Variants in CSMD1 observed in about 807,000 individuals in gnomAD.
The protein encoded by CSMD1 is CUB and Sushi multiple domains 1.
CSMD1 carries 213 observed loss-of-function variants against 417.5 expected under a neutral mutation model. The observed-to-expected ratio is 0.51, with a 90% CI of 0.46 to 0.57. The LOEUF is 0.57. CSMD1 is among the 20% of genes least tolerant of loss of function. CSMD1 has a pLI of 0.00. For synonymous variants in CSMD1, 2,862 were observed against 1,736.8 expected (o/e 1.65, Z -16.11); for missense variants, 6,923 against 4,529.7 (o/e 1.53, Z -15.17).
At chr8:4,892,567 T>C (rs541592204) in intron 1 of CSMD1, among the ~76,000 whole-genome samples, 2 of 152,272 alleles carry the variant, frequency 1.3e-5, no homozygotes, top group Admixed American at 6.5e-5. Context: ...TGCCTAATTA[T>C]ATTTAAAAAA....
chr8:4,018,132 G>A (rs954085836), intron 4 of CSMD1, among the ~76,000 whole-genome samples: 2 of 152,080 alleles, frequency 1.3e-5, no homozygotes, highest in African/African-American at 2.4e-5. Context: ...AGTGTTTTGT[G>A]TGTTTTTATG....
chr8:4,326,750 A>G (rs1366726406), intron 3 of CSMD1, among the ~76,000 whole-genome samples: 1 of 152,186 alleles, frequency 6.6e-6, no homozygotes, highest in East Asian at 1.9e-4. Flanking sequence ...AGTAATGCCC[A>G]TCTTCAGAAG....
chr8:4,486,594 T>C (rs1291894440), intron 2 of CSMD1, among the ~76,000 whole-genome samples: 1 of 152,116 alleles, frequency 6.6e-6, no homozygotes, highest in South Asian at 2.1e-4. Flanking sequence ...AAGTCCATCT[T>C]TCTGAAACTT....
rs560078379 is a variant in CSMD1, at chr8:4,793,083, G to A, written c.86-155525C>T. On this transcript the variant is annotated intron_variant, in intron 1 of 69. Coordinates refer to ENST00000635120, the MANE Select transcript of CSMD1 (RefSeq NM_033225.6). The stretch of plus-strand genomic sequence containing the variant: ...ACATCCAAGTGGAAAATATAATATA[G>A]CACTGTCATATACAATTTTTTCTTT... Among the ~76,000 whole-genome samples, 54 of 151,682 alleles carry A rather than the reference G, an allele frequency of 3.6e-4. 1 individual carries two copies. Among genetic ancestry groups the A allele is most frequent in the African/African-American group, 1.2e-3 (51 of 41,272 alleles).
chr8:4,061,434 C>G (rs1049416574), intron 3 of CSMD1, among the ~76,000 whole-genome samples: 19 of 152,160 alleles, frequency 1.2e-4, no homozygotes, highest in African/African-American at 4.3e-4. Context: ...ACCTGTGAAA[C>G]TTTTATAGCT....
chr8:3,331,323 A>G (rs1806882721), intron 23 of CSMD1, among the ~76,000 whole-genome samples: 2 of 152,224 alleles, frequency 1.3e-5, no homozygotes, highest in African/African-American at 4.8e-5. Flanking sequence ...TCTGTGGTAA[A>G]GAATCATGTA....
intron 5 of CSMD1, among the ~76,000 whole-genome samples, chr8:3,834,054 G>A (rs1237146400): frequency 6.6e-6 from 1 of 151,978 alleles, no homozygotes; most frequent in Admixed American, 6.6e-5. Context: ...TGTAAAGTTT[G>A]GTCACTACTG....
At chr8:4,641,991 A>C (rs1025086030) in intron 1 of CSMD1, among the ~76,000 whole-genome samples, 1 of 152,206 alleles carries the variant, frequency 6.6e-6, no homozygotes, top group Non-Finnish European at 1.5e-5. Context: ...CTGGCATGCA[A>C]GATGTGAACA....
At chr8:4,645,573 G>A (rs1342871204) in intron 1 of CSMD1, among the ~76,000 whole-genome samples, 2 of 151,776 alleles carry the variant, frequency 1.3e-5, no homozygotes, top group African/African-American at 4.8e-5. Flanking sequence ...ATGAGCCCCA[G>A]TTTCCACAGG....
At chr8:3,823,099 T>C (rs557794065) in intron 5 of CSMD1, among the ~76,000 whole-genome samples, 4 of 152,328 alleles carry the variant, frequency 2.6e-5, no homozygotes, top group Non-Finnish European at 4.4e-5. Context: ...TGGGATCTCA[T>C]GGCCCTTTCA....
intron 5 of CSMD1, among the ~76,000 whole-genome samples, chr8:3,828,278 G>C (rs17067707): frequency 6.6e-6 from 1 of 151,996 alleles, no homozygotes; most frequent in African/African-American, 2.4e-5. Flanking sequence ...TGGCTCTTCC[G>C]AACATGCTTA....
At chr8:4,325,763 C>A (rs558712152) in intron 3 of CSMD1, among the ~76,000 whole-genome samples, 1 of 152,170 alleles carries the variant, frequency 6.6e-6, no homozygotes, top group Non-Finnish European at 1.5e-5. Context: ...CTGTTGCACC[C>A]CTCTCCACTT....
chr8:3,995,127 T>A (rs1815102947), intron 5 of CSMD1, among the ~76,000 whole-genome samples: 1 of 152,218 alleles, frequency 6.6e-6, no homozygotes, highest in Non-Finnish European at 1.5e-5. Flanking sequence ...TACTGTAAAA[T>A]AATAGGCTTT....
At chr8:4,599,612 C>G (rs1800478438) in intron 2 of CSMD1, among the ~76,000 whole-genome samples, 1 of 152,168 alleles carries the variant, frequency 6.6e-6, no homozygotes, top group South Asian at 2.1e-4. Flanking sequence ...CTTTACCACA[C>G]TTCTGTCCAT....
At chr8:4,167,681 T>C (rs750197114) in intron 3 of CSMD1, among the ~76,000 whole-genome samples, 1 of 152,164 alleles carries the variant, frequency 6.6e-6, no homozygotes, top group African/African-American at 2.4e-5. Flanking sequence ...ATTGGTTATA[T>C]GATCAATTTA....
At chr8:4,884,745 C>G (rs935054126) in intron 1 of CSMD1, among the ~76,000 whole-genome samples, 1 of 152,012 alleles carries the variant, frequency 6.6e-6, no homozygotes, top group Non-Finnish European at 1.5e-5. Flanking sequence ...ATCCTTAAGT[C>G]ACTGCAACTC....
chr8:3,447,848 G>A (rs189435349), intron 12 of CSMD1, among the ~76,000 whole-genome samples: 5 of 152,102 alleles, frequency 3.3e-5, no homozygotes, highest in Admixed American at 1.3e-4. Context: ...GGAGGCCATC[G>A]GAGGTGTCTT....
intron 1 of CSMD1, among the ~76,000 whole-genome samples, chr8:4,913,444 T>C (rs1805837385): frequency 6.6e-6 from 1 of 152,216 alleles, no homozygotes; most frequent in Non-Finnish European, 1.5e-5. Flanking sequence ...ATTTCTTCAC[T>C]GAATGCTATT....
chr8:3,244,601 G>A (rs892806988), intron 26 of CSMD1, among the ~76,000 whole-genome samples: 4 of 152,174 alleles, frequency 2.6e-5, no homozygotes, highest in South Asian at 2.1e-4. Context: ...ATAGACACAC[G>A]TTGAACCCAA....
Sources: allele counts gnomAD v4.1 joint callset (sites outside exome capture counted in the v4.1 genomes callset), GRCh38; gene constraint gnomAD v4.1.1; transcripts MANE v1.5; gene names NCBI Gene and HGNC (gene_info 2026-07-23, HGNC 2026-07-21).